The following MCPH1 variants were observed in gnomAD, a reference collection of about 807,000 sequenced individuals.
The protein encoded by MCPH1 is microcephalin 1.
A neutral mutation model predicts 84.5 loss-of-function variants in MCPH1; 104 were observed. The observed-to-expected ratio is 1.23, with a 90% confidence interval of 1.05 to 1.45. The LOEUF (loss-of-function observed/expected upper bound fraction) is 1.45. Among genes scored for constraint, MCPH1 ranks in the 40% most tolerant of loss-of-function variants. The pLI is 0.00. For missense variants in MCPH1, 1,498 were observed against 1,005.7 expected (o/e 1.49, Z -6.62); for synonymous variants, 514 against 366.8 (o/e 1.40, Z -4.58).
chr8:6,551,072 G>A (rs1823562617), intron 12 of MCPH1, among the ~76,000 whole-genome samples: 1 of 152,210 alleles, frequency 6.6e-6, no homozygotes. Flanking sequence ...AGTGTGCTAG[G>A]TAAGGGATTT....
chr8:6,487,647 A>G (rs1006481806), intron 11 of MCPH1, among the ~76,000 whole-genome samples: 2 of 152,222 alleles, frequency 1.3e-5, no homozygotes, highest in South Asian at 4.1e-4. Flanking sequence ...TGAGTTTCTG[A>G]GGGTGCCCTT....
intron 13 of MCPH1, among the ~76,000 whole-genome samples, chr8:6,624,491 C>T (rs2912056): frequency 0.011 from 1,723 of 152,336 alleles, 36 homozygotes; most frequent in African/African-American, 0.039. Context: ...CTCCAGCCCA[C>T]ACTCTCTGAG....
intron 12 of MCPH1, among the ~76,000 whole-genome samples, chr8:6,544,009 A>G (rs542139420): frequency 3.0e-4 from 45 of 152,364 alleles, no homozygotes; most frequent in Admixed American, 2.1e-3. Context: ...TTTAGATCTG[A>G]TCAGCAGTAG....
At chr8:6,497,945 T>A (rs529369763) in intron 11 of MCPH1, among the ~76,000 whole-genome samples, 1 of 152,288 alleles carries the variant, frequency 6.6e-6, no homozygotes, top group African/African-American at 2.4e-5. Flanking sequence ...ACAAGTTTGT[T>A]CAAAGAACTC....
intron 11 of MCPH1, among the ~76,000 whole-genome samples, chr8:6,497,221 C>G (rs369811081): frequency 6.6e-6 from 1 of 151,654 alleles, no homozygotes; most frequent in African/African-American, 2.4e-5. Flanking sequence ...TGGCTCACAC[C>G]TATAATCCCA....
At chr8:6,472,039 C>G (rs1428358068) in intron 9 of MCPH1, among the ~76,000 whole-genome samples, 1 of 151,974 alleles carries the variant, frequency 6.6e-6, no homozygotes, top group East Asian at 1.9e-4. Context: ...AGAGTCAACC[C>G]AAAAAAGTTC....
chr8:6,517,767 C>G (rs1481808714), intron 12 of MCPH1, among the ~76,000 whole-genome samples: 1 of 152,174 alleles, frequency 6.6e-6, no homozygotes, highest in South Asian at 2.1e-4. Flanking sequence ...TTAAATGACT[C>G]GCCCAGAGCC....
chr8:6,637,144 C>T (rs1042184988), intron 13 of MCPH1, among the ~76,000 whole-genome samples: 16 of 152,182 alleles, frequency 1.1e-4, no homozygotes, highest in South Asian at 6.2e-4. Flanking sequence ...CGTCATATGC[C>T]GAGCATATCC....
chr8:6,516,493 T>C (rs1402858486), intron 12 of MCPH1, among the ~76,000 whole-genome samples: 1 of 152,220 alleles, frequency 6.6e-6, no homozygotes, highest in African/African-American at 2.4e-5. Flanking sequence ...CCTGACCCTT[T>C]GGTAAATAGG....
intron 12 of MCPH1, among the ~76,000 whole-genome samples, chr8:6,606,277 T>C (rs770851167): frequency 1.3e-5 from 2 of 152,170 alleles, no homozygotes; most frequent in Non-Finnish European, 2.9e-5. Flanking sequence ...AAATAATATA[T>C]CTAAAACATC....
chr8:6,453,613 C>T (rs1805335862), intron 8 of MCPH1, among the ~76,000 whole-genome samples: 1 of 152,070 alleles, frequency 6.6e-6, no homozygotes, highest in Non-Finnish European at 1.5e-5. Context: ...ATCTCTAGTC[C>T]ACTGCTTTTC....
In MCPH1 at chr8:6,553,378, C is replaced by T. The variant is rs1432544196; in HGVS notation, c.2214+53449C>T. Reference sequence around the variant, plus strand: ...ATTGCACCAGTAAACCTAGCCAGCCCTCACTAGGGTCTTCTGATGGTTACA... The same window carrying T: ...ATTGCACCAGTAAACCTAGCCAGCCTTCACTAGGGTCTTCTGATGGTTACA... On this transcript the variant is annotated intron_variant, in intron 12 of 13. Coordinates refer to ENST00000344683, the MANE Select transcript of MCPH1 (RefSeq NM_024596.5). Among the ~76,000 whole-genome samples, 3 of 152,190 alleles carry T rather than the reference C, an allele frequency of 2.0e-5. 1 individual carries two copies. The highest frequency in any genetic ancestry group is 4.1e-4 in the South Asian group (2 of 4,830).
intron 12 of MCPH1, among the ~76,000 whole-genome samples, chr8:6,613,395 C>T (rs533209102): frequency 6.6e-6 from 1 of 152,248 alleles, no homozygotes; most frequent in Non-Finnish European, 1.5e-5. Flanking sequence ...TGAATTTAAC[C>T]CGGGTTGTGG....
At chr8:6,414,910 T>C (rs752623549) in intron 3 of MCPH1, 27 bp downstream of exon 3, 5 of 1,610,040 alleles carry the variant, frequency 3.1e-6, no homozygotes, top group Admixed American at 3.3e-5. Flanking sequence ...TTACTTTTTT[T>C]CCTTAAGTAT....
chr8:6,579,765 A>G (rs1827403674), intron 12 of MCPH1, among the ~76,000 whole-genome samples: 2 of 152,334 alleles, frequency 1.3e-5, no homozygotes, highest in Admixed American at 1.3e-4. Flanking sequence ...ACGTGTCGCC[A>G]GAGGTCACAG....
At chr8:6,622,438 G>A (rs540585035) in intron 13 of MCPH1, among the ~76,000 whole-genome samples, 4 of 152,336 alleles carry the variant, frequency 2.6e-5, no homozygotes, top group Admixed American at 6.5e-5. Context: ...CAGGGGCAGC[G>A]TCTGTGCTAG....
rs533309581 is a variant in MCPH1 at position 6,480,451 on chromosome 8, T to A, written c.1974-263T>A. Among the ~76,000 whole-genome samples the A allele has an allele frequency of 2.1e-4, 32 of 152,308 alleles. No individual in the cohort carries two copies. The South Asian group carries it at 6.4e-3, about 31-fold the overall frequency. ...TGGTTTCTGATGCTGGCTCTGTCCC[T>A]ACCCAGCCCAGCCACTGTGGGAAGC... On this transcript the variant is annotated intron_variant, in intron 10 of 13. Coordinates refer to ENST00000344683, the MANE Select transcript of MCPH1 (RefSeq NM_024596.5).
Position 6,644,385 on chromosome 8 carries a change from T to A in MCPH1, c.*1336T>A, listed in dbSNP as rs370528441. On this transcript the variant is annotated 3_prime_UTR_variant, in exon 14 of 14. Transcript: ENST00000344683. ...GAATAAGCCATAAAAGGCATCCAAATAGGAAAAGAAGTCAAACTGTCTCTC... is the reference window on the plus strand; with the variant it reads ...GAATAAGCCATAAAAGGCATCCAAAAAGGAAAAGAAGTCAAACTGTCTCTC... 1 of 152,110 alleles carries A rather than the reference T, an allele frequency of 6.6e-6. No individual in the cohort carries two copies. Among genetic ancestry groups the A allele is most frequent in the Admixed American group, 6.5e-5 (1 of 15,274 alleles). The allele number at this position is 152,110 out of a possible 1,614,324, so 9.4% of individuals were successfully genotyped here.
intron 13 of MCPH1, chr8:6,622,094 G>A (rs564937027): frequency 8.9e-6 from 3 of 335,732 alleles, no homozygotes; most frequent in East Asian, 8.2e-5. Context: ...CCAAGCCCCC[G>A]TCCCTGTCAT....
Sources: allele counts gnomAD v4.1 joint callset (sites outside exome capture counted in the v4.1 genomes callset), GRCh38; gene constraint gnomAD v4.1.1; transcripts MANE v1.5; gene names NCBI Gene and HGNC (gene_info 2026-07-23, HGNC 2026-07-21).